The following PGPEP1L variants were observed in gnomAD, a reference collection of about 807,000 sequenced individuals.
The protein encoded by PGPEP1L is pyroglutamyl-peptidase I like.
PGPEP1L carries 7 observed loss-of-function variants against 6.0 expected under a neutral mutation model. The ratio of observed to expected loss-of-function variants is 1.17; its 90% confidence interval spans 0.66 to 2.19. The LOEUF is 2.19. PGPEP1L is among the 30% of genes most tolerant of loss of function. The pLI, the probability that PGPEP1L is intolerant of heterozygous loss-of-function variation, is 0.00. For missense variants in PGPEP1L, 209 were observed against 192.5 expected (o/e 1.09, Z -0.51); for synonymous variants, 103 against 83.9 (o/e 1.23, Z -1.24).
At chr15:98,989,387 A>C (rs1555471828) in intron 2 of PGPEP1L, among the ~76,000 whole-genome samples, 1 of 152,242 alleles carries the variant, frequency 6.6e-6, no homozygotes, top group East Asian at 1.9e-4. Context: ...GATATCAAAG[A>C]TTGAAGATCA....
chr15:99,001,880 G>A (rs911683247), intron 2 of PGPEP1L, among the ~76,000 whole-genome samples: 2 of 152,076 alleles, frequency 1.3e-5, no homozygotes, highest in South Asian at 2.1e-4. Context: ...ACCATGCCCA[G>A]CTAATTTTTG....
intron 2 of PGPEP1L, among the ~76,000 whole-genome samples, chr15:98,979,646 T>G (rs1445970959): frequency 8.2e-5 from 3 of 36,382 alleles, no homozygotes; most frequent in East Asian, 1.0e-3. Flanking sequence ...TTTTTTTTTT[T>G]TTTTTTTTTT....
At chr15:98,968,733 C>G (rs1323847864) in intron 4 of PGPEP1L, 36 bp from the exon 5 acceptor site, 2 of 1,537,506 alleles carry the variant, frequency 1.3e-6, no homozygotes, top group East Asian at 2.4e-5. Flanking sequence ...AATTCTCGGA[C>G]CAGCCTCTAA....
chr15:99,005,680 G>GC (rs1176709285), intron 1 of PGPEP1L, 24 bp from the exon 2 acceptor site: 1 of 152,326 alleles, frequency 6.6e-6, no homozygotes, highest in Non-Finnish European at 1.5e-5. Flanking sequence ...ATAAAGCAAT[G>GC]CCCCTTGAAA....
intron 2 of PGPEP1L, among the ~76,000 whole-genome samples, chr15:98,981,223 T>G (rs1242126272): frequency 6.6e-6 from 1 of 152,028 alleles, no homozygotes; most frequent in African/African-American, 2.4e-5. Context: ...CCGGGCGCGG[T>G]GGCTCCCGCC....
Position 98,985,467 on chromosome 15 carries a change from A to G in PGPEP1L, c.-141-14309T>C, listed in dbSNP as rs188336544. Among the ~76,000 whole-genome samples the G allele has an allele frequency of 5.7e-3, 866 of 152,286 alleles. 8 individuals are homozygous for G. Among genetic ancestry groups the G allele is most frequent in the African/African-American group, 0.02 (818 of 41,556 alleles). On this transcript the variant is annotated intron_variant, in intron 2 of 4. Transcript: ENST00000535714. ...GCAAGAGAATTACTTGAACCCGGGA[A>G]GCGGAAGTTGCAGTGAGCCAAGATG...
intron 2 of PGPEP1L, among the ~76,000 whole-genome samples, chr15:98,973,079 G>A (rs2017522143): frequency 1.3e-5 from 2 of 151,958 alleles, no homozygotes; most frequent in Non-Finnish European, 2.9e-5. Flanking sequence ...CAGATAAAAT[G>A]GACTTTAAGT....
intron 2 of PGPEP1L, among the ~76,000 whole-genome samples, chr15:98,984,926 G>A (rs1037276333): frequency 1.6e-4 from 24 of 152,130 alleles, no homozygotes; most frequent in African/African-American, 4.3e-4. Context: ...AACCCTGGAC[G>A]TGGGCCTGCC....
chr15:98,973,575 C>T (rs950095986), intron 2 of PGPEP1L, among the ~76,000 whole-genome samples: 2 of 152,124 alleles, frequency 1.3e-5, no homozygotes, highest in Admixed American at 6.6e-5. Flanking sequence ...ACTGCACAAA[C>T]TCATGAAATT....
intron 2 of PGPEP1L, among the ~76,000 whole-genome samples, chr15:99,003,569 G>C (rs1478046671): frequency 1.3e-5 from 2 of 152,096 alleles, no homozygotes; most frequent in East Asian, 3.8e-4. Context: ...CGGAGCCCTC[G>C]TTCTCCCACC....
rs1414699267 is a variant in PGPEP1L, at chr15:98,994,927, A to G, written c.-142+10502T>C. 2.0e-5 allele frequency among the ~76,000 whole-genome samples: 3 copies of G among 152,184 alleles called. No individual in the cohort carries two copies. In the East Asian group the frequency reaches 5.8e-4, roughly 29 times the overall value. ...CTGTTGCCTTTGAGACATTTACTCTAATTAGATTGTCAATTTTTCCAAGTA... is the reference window on the plus strand; with the variant it reads ...CTGTTGCCTTTGAGACATTTACTCTGATTAGATTGTCAATTTTTCCAAGTA... On this transcript the variant is annotated intron_variant, in intron 2 of 4. Transcript: ENST00000535714.
At position 99,004,434 on chromosome 15, in the gene PGPEP1L, A is replaced by G. The variant is rs200661023; in HGVS notation, c.-142+995T>C. 1.5e-4 allele frequency among the ~76,000 whole-genome samples: 22 copies of G among 149,936 alleles called. No individual in the cohort carries two copies. In the East Asian group the frequency reaches 4.4e-3, roughly 30 times the overall value. On this transcript the variant is annotated intron_variant, in intron 2 of 4. Transcript: ENST00000535714. ...AAAAATTAAAAATATAAAAATAAAA[A>G]TAGGGCCAGGCGCAGTGGCTCATGC...
rs1364946743 is a variant in PGPEP1L at position 98,968,305 on chromosome 15, G to A, written c.*173C>T. ...TCCCCTGTGAAATGTCCACCTTTCA[G>A]AGTGTTCTTTCTCCTGACAATAAAA... is the stretch of plus-strand genomic sequence containing the variant. On this transcript the variant is annotated 3_prime_UTR_variant, in exon 5 of 5. Transcript: ENST00000535714. The A allele has an allele frequency of 1.5e-6, 1 of 646,210 alleles. No homozygotes were observed. The highest frequency in any genetic ancestry group is 1.8e-5 in the African/African-American group (1 of 54,882). 40.0% of individuals were successfully genotyped at this position (646,210 alleles called of 1,614,324 possible). A position where few individuals can be genotyped will look rare whatever the true frequency, so the allele number is the denominator to read the frequency against.
rs557028199 is a variant in PGPEP1L, at chr15:98,985,737, T to G, written c.-141-14579A>C. Among the ~76,000 whole-genome samples the G allele has an allele frequency of 1.2e-4, 18 of 150,592 alleles. 1 individual carries two copies. In the South Asian group the frequency reaches 3.7e-3, roughly 31 times the overall value. On this transcript the variant is annotated intron_variant, in intron 2 of 4. Transcript: ENST00000535714. ...GTGCCCTCAGGCCAGATGTGCAACC[T>G]CTCTGAGCACCCCTTTCCTCATCTG...
intron 2 of PGPEP1L, among the ~76,000 whole-genome samples, chr15:98,976,798 T>C (rs1180343851): frequency 6.6e-6 from 1 of 152,170 alleles, no homozygotes; most frequent in Non-Finnish European, 1.5e-5. Flanking sequence ...AGTAAAGACA[T>C]GAAAATTTTA....
chr15:98,982,129 G>A (rs1015992988), intron 2 of PGPEP1L, among the ~76,000 whole-genome samples: 5 of 152,190 alleles, frequency 3.3e-5, no homozygotes, highest in African/African-American at 7.2e-5. Context: ...TTCCTTGAGC[G>A]TTTACTAGGA....
intron 2 of PGPEP1L, among the ~76,000 whole-genome samples, chr15:98,989,300 G>A (rs1327587029): frequency 6.6e-6 from 1 of 152,170 alleles, no homozygotes; most frequent in Non-Finnish European, 1.5e-5. Context: ...TTGACCTGAT[G>A]GAGCTGAAAA....
At chr15:98,996,239 G>A (rs1393144741) in intron 2 of PGPEP1L, among the ~76,000 whole-genome samples, 1 of 152,194 alleles carries the variant, frequency 6.6e-6, no homozygotes, top group African/African-American at 2.4e-5. Flanking sequence ...ATTGGAAATT[G>A]ACATTTAGTT....
intron 2 of PGPEP1L, among the ~76,000 whole-genome samples, chr15:98,984,869 T>C (rs1289002097): frequency 3.3e-5 from 5 of 151,894 alleles, no homozygotes; most frequent in East Asian, 1.9e-4. Flanking sequence ...TAGAGACTGA[T>C]AGCAAGGACG....
Sources: allele counts gnomAD v4.1 joint callset (sites outside exome capture counted in the v4.1 genomes callset), GRCh38; gene constraint gnomAD v4.1.1; transcripts MANE v1.5; gene names NCBI Gene and HGNC (gene_info 2026-07-23, HGNC 2026-07-21).